Variants in EFCAB11 observed in about 807,000 individuals in gnomAD.
EFCAB11 encodes the protein EF-hand calcium-binding domain-containing protein 11.
In EFCAB11, 14 loss-of-function variants were observed where a neutral mutation model predicts 23.0. That is an observed-to-expected ratio of 0.61 (90% CI 0.40 to 0.95). The LOEUF is 0.95. Among genes scored for constraint, EFCAB11 ranks in the 40% least tolerant of loss-of-function variants. The pLI is 0.00. For missense variants in EFCAB11, 198 were observed against 195.8 expected, an observed-to-expected ratio of 1.01 and a Z score of -0.07; for synonymous variants, 65 against 66.6, an observed-to-expected ratio of 0.98 and a Z score of 0.11.
intron 5 of EFCAB11, among the ~76,000 whole-genome samples, chr14:89,913,139 G>A (rs769239982): frequency 4.6e-5 from 7 of 152,224 alleles, no homozygotes; most frequent in Admixed American, 6.5e-5. Context: ...GGAACTCACT[G>A]GCTCTGGCTG....
At chr14:89,818,869 C>T (rs1384050519) in intron 5 of EFCAB11, among the ~76,000 whole-genome samples, 3 of 152,078 alleles carry the variant, frequency 2.0e-5, no homozygotes, top group Non-Finnish European at 4.4e-5. Context: ...TTACAAAGAT[C>T]GAGTGTTAGT....
chr14:89,927,537 G>A (rs1381557771), intron 5 of EFCAB11, among the ~76,000 whole-genome samples: 1 of 152,062 alleles, frequency 6.6e-6, no homozygotes, highest in African/African-American at 2.4e-5. Flanking sequence ...GTCTAACCTT[G>A]GAAACATTAA....
At chr14:89,938,503 T>C (rs1890671269) in intron 3 of EFCAB11, among the ~76,000 whole-genome samples, 1 of 152,008 alleles carries the variant, frequency 6.6e-6, no homozygotes. Context: ...TCACCTATGA[T>C]AAATGAATTC....
rs113101259 is a variant in EFCAB11 at position 89,796,915 on chromosome 14, C to T, written c.*328G>A. The T allele has an allele frequency of 3.1e-3, 584 of 188,584 alleles. 2 individuals are homozygous for T. The highest frequency in any genetic ancestry group is 0.013 in the African/African-American group (568 of 42,790). The allele number at this position is 188,584 out of a possible 1,614,324, so 11.7% of individuals were successfully genotyped here. On this transcript the variant is annotated 3_prime_UTR_variant, in exon 6 of 6. Transcript: ENST00000316738. ...TCCCTAGCCCCAGCTCTAGCAATGG[C>T]GGCCTGACTCAGGGCTGCTGGCCAC...
At chr14:89,952,519 C>A in intron 2 of EFCAB11, 1 of 985,478 alleles carries the variant, frequency 1.0e-6, no homozygotes. Flanking sequence ...TCAGCCCTGA[C>A]TACTTCTCTG....
At chr14:89,866,021 G>A (rs1888081324) in intron 5 of EFCAB11, among the ~76,000 whole-genome samples, 1 of 152,084 alleles carries the variant, frequency 6.6e-6, no homozygotes. Context: ...CTGAGCTCAA[G>A]TGATCCGCCC....
Position 89,937,286 on chromosome 14 carries a change from A to G in EFCAB11, c.218-4659T>C, listed in dbSNP as rs563767658. On this transcript the variant is annotated intron_variant, in intron 3 of 5. Transcript: ENST00000316738. ...GAAAGCCTCATGTGTAGAGGAGATG[A>G]AGGAAGAACTATTTGGTTTGAAGTG... Among the ~76,000 whole-genome samples the G allele has an allele frequency of 4.6e-5, 7 of 152,270 alleles. No individual in the cohort carries two copies. The South Asian group carries it at 1.5e-3, about 32-fold the overall frequency.
intron 5 of EFCAB11, among the ~76,000 whole-genome samples, chr14:89,865,351 T>C (rs1417503801): frequency 6.6e-6 from 1 of 152,128 alleles, no homozygotes; most frequent in East Asian, 1.9e-4. Flanking sequence ...CATCATAAAG[T>C]TCATATAAGT....
chr14:89,803,759 G>A (rs79885553), intron 5 of EFCAB11, among the ~76,000 whole-genome samples: 1 of 152,214 alleles, frequency 6.6e-6, no homozygotes, highest in Non-Finnish European at 1.5e-5. Context: ...AATTGAAGAT[G>A]TAATGATGAC....
chr14:89,934,443 A>G (rs1339266229), intron 3 of EFCAB11, among the ~76,000 whole-genome samples: 3 of 152,106 alleles, frequency 2.0e-5, no homozygotes, highest in African/African-American at 7.2e-5. Context: ...AAGAGAGGAG[A>G]AAGTCTGGGG....
chr14:89,856,848 T>C (rs547970458), intron 5 of EFCAB11, among the ~76,000 whole-genome samples: 14 of 152,322 alleles, frequency 9.2e-5, no homozygotes, highest in African/African-American at 1.9e-4. Context: ...TTATCAGATA[T>C]ATGGTTTGCA....
intron 5 of EFCAB11, among the ~76,000 whole-genome samples, chr14:89,823,056 G>A (rs1370935254): frequency 2.0e-5 from 3 of 152,132 alleles, no homozygotes. Context: ...TGAAAGTGAT[G>A]AGCTATAACT....
intron 3 of EFCAB11, among the ~76,000 whole-genome samples, chr14:89,938,576 A>G (rs1890673601): frequency 6.6e-6 from 1 of 151,856 alleles, no homozygotes; most frequent in South Asian, 2.1e-4. Context: ...AAAATAATCT[A>G]CCTTAATGGA....
At chr14:89,913,387 T>C (rs773639788) in intron 5 of EFCAB11, among the ~76,000 whole-genome samples, 16 of 152,234 alleles carry the variant, frequency 1.1e-4, no homozygotes, top group South Asian at 4.1e-4. Context: ...TGTCTTGGCA[T>C]GGAGACCTGA....
chr14:89,939,076 C>T (rs1321712374), intron 3 of EFCAB11, among the ~76,000 whole-genome samples: 1 of 150,880 alleles, frequency 6.6e-6, no homozygotes, highest in Non-Finnish European at 1.5e-5. Context: ...TTATTATACA[C>T]ATCTCCTGCT....
intron 5 of EFCAB11, among the ~76,000 whole-genome samples, chr14:89,880,115 G>C (rs1888556333): frequency 6.6e-6 from 1 of 152,088 alleles, no homozygotes; most frequent in African/African-American, 2.4e-5. Flanking sequence ...GAACATTTGT[G>C]TCTCCCTAAA....
chr14:89,867,941 A>G (rs1888147002), intron 5 of EFCAB11, among the ~76,000 whole-genome samples: 1 of 152,212 alleles, frequency 6.6e-6, no homozygotes, highest in Non-Finnish European at 1.5e-5. Context: ...CTCAACCCTA[A>G]CAGAAGCCTT....
At chr14:89,927,268 T>G (rs1890224619) in intron 5 of EFCAB11, among the ~76,000 whole-genome samples, 1 of 152,234 alleles carries the variant, frequency 6.6e-6, no homozygotes, top group Admixed American at 6.5e-5. Context: ...CGAAAGAGCC[T>G]ACTCTTGATC....
chr14:89,859,729 G>T (rs546306200), intron 5 of EFCAB11, among the ~76,000 whole-genome samples: 2 of 152,254 alleles, frequency 1.3e-5, no homozygotes, highest in African/African-American at 4.8e-5. Context: ...AAGAGAGTTG[G>T]GCACATGAAG....
Sources: gnomAD v4.1 joint callset for allele counts (sites outside exome capture counted in the v4.1 genomes callset) on GRCh38, gnomAD v4.1.1 for gene constraint, MANE v1.5 for transcripts, NCBI Gene and HGNC (gene_info 2026-07-23, HGNC 2026-07-21) for gene names.